Variants in NKAIN2 observed in about 807,000 individuals in gnomAD.
NKAIN2 encodes sodium/potassium-transporting ATPase subunit beta-1-interacting protein 2.
Under a neutral mutation model 32.6 loss-of-function variants are expected in NKAIN2, and 14 were observed. The ratio of observed to expected loss-of-function variants is 0.43; its 90% CI spans 0.28 to 0.67. The LOEUF is 0.67. Among genes scored for constraint, NKAIN2 ranks in the 30% least tolerant of loss-of-function variants. The pLI is 0.17. For synonymous variants in NKAIN2, 80 were observed against 87.2 expected (o/e 0.92, Z 0.46); for missense variants, 198 against 258.3 (o/e 0.77, Z 1.60).
At chr6:124,039,239 T>C (rs1781752039) in intron 1 of NKAIN2, among the ~76,000 whole-genome samples, 1 of 152,042 alleles carries the variant, frequency 6.6e-6, no homozygotes, top group Admixed American at 6.6e-5. Context: ...TCAATACATA[T>C]TGAAGGCCAG....
At chr6:124,596,167 A>T (rs1315442464) in intron 3 of NKAIN2, among the ~76,000 whole-genome samples, 1 of 152,202 alleles carries the variant, frequency 6.6e-6, no homozygotes, top group African/African-American at 2.4e-5. Flanking sequence ...CAGGACCTGC[A>T]GGGTCTGCCG....
intron 1 of NKAIN2, among the ~76,000 whole-genome samples, chr6:124,145,142 A>T (rs1414215267): frequency 1.1e-4 from 17 of 152,210 alleles, no homozygotes; most frequent in African/African-American, 3.9e-4. Flanking sequence ...TCTGGTGAGG[A>T]TGCACAGAAC....
intron 4 of NKAIN2, among the ~76,000 whole-genome samples, chr6:124,766,366 A>C (rs1296599449): frequency 1.3e-5 from 2 of 152,208 alleles, no homozygotes; most frequent in Non-Finnish European, 2.9e-5. Context: ...TACAAGGGTA[A>C]GAAGTCCTCA....
At chr6:123,874,885 C>CTACATACG (rs1562233339) in intron 1 of NKAIN2, among the ~76,000 whole-genome samples, 1 of 150,830 alleles carries the variant, frequency 6.6e-6, no homozygotes, top group East Asian at 2.0e-4. Context: ...CTCGCTATTC[C>CTACATACG]TACATACATA....
chr6:124,363,171 T>G (rs1799368963), intron 3 of NKAIN2, among the ~76,000 whole-genome samples: 1 of 152,146 alleles, frequency 6.6e-6, no homozygotes, highest in Non-Finnish European at 1.5e-5. Context: ...TCCTTATAAA[T>G]TGACCATGAG....
At chr6:124,600,143 A>T (rs575312620) in intron 3 of NKAIN2, among the ~76,000 whole-genome samples, 1 of 152,120 alleles carries the variant, frequency 6.6e-6, no homozygotes, top group East Asian at 1.9e-4. Flanking sequence ...ATGACTGCAC[A>T]CCATCACTAC....
chr6:123,962,347 T>C (rs1301615259), intron 1 of NKAIN2, among the ~76,000 whole-genome samples: 1 of 152,180 alleles, frequency 6.6e-6, no homozygotes, highest in African/African-American at 2.4e-5. Context: ...TAGTGAAGTT[T>C]GGAAGGGCAC....
chr6:124,185,253 A>G lies in NKAIN2; in HGVS notation c.55-97752A>G, dbSNP rs760145098. 6.0e-5 allele frequency among the ~76,000 whole-genome samples: 9 copies of G among 150,532 alleles called. No individual in the cohort carries two copies. The South Asian group carries it at 6.2e-4, about 10-fold the overall frequency. On this transcript the variant is annotated intron_variant, in intron 1 of 6. Coordinates refer to ENST00000368417, the MANE Select transcript of NKAIN2 (RefSeq NM_001040214.3). ...GTAGTTTTGTGCAAGTAACTTATTC[A>G]TTTCATTATAACTGTATTAAAAACA... is the stretch of plus-strand genomic sequence containing the variant.
At chr6:123,902,746 G>A (rs896561879) in intron 1 of NKAIN2, among the ~76,000 whole-genome samples, 2 of 152,078 alleles carry the variant, frequency 1.3e-5, no homozygotes, top group Non-Finnish European at 2.9e-5. Flanking sequence ...ATTCTTCAGT[G>A]GTATTCAGGA....
intron 1 of NKAIN2, among the ~76,000 whole-genome samples, chr6:123,987,564 T>G (rs1779197231): frequency 6.6e-6 from 1 of 152,180 alleles, no homozygotes; most frequent in South Asian, 2.1e-4. Context: ...GCTACATTAT[T>G]ATCTGGAACT....
chr6:124,438,825 T>G (rs1775570117), intron 3 of NKAIN2, among the ~76,000 whole-genome samples: 1 of 152,170 alleles, frequency 6.6e-6, no homozygotes, highest in South Asian at 2.1e-4. Flanking sequence ...TTTCCTTGTC[T>G]TCTGGGACAC....
At chr6:124,578,206 G>T (rs1264294671) in intron 3 of NKAIN2, among the ~76,000 whole-genome samples, 1 of 151,964 alleles carries the variant, frequency 6.6e-6, no homozygotes, top group Admixed American at 6.5e-5. Context: ...AGGAGACTTT[G>T]TCTTGCAGCT....
At chr6:123,971,214 T>C (rs1251473719) in intron 1 of NKAIN2, among the ~76,000 whole-genome samples, 1 of 152,120 alleles carries the variant, frequency 6.6e-6, no homozygotes, top group Non-Finnish European at 1.5e-5. Context: ...CAGGTGACAG[T>C]GGAACTAATG....
intron 1 of NKAIN2, among the ~76,000 whole-genome samples, chr6:124,046,585 A>G (rs1432700228): frequency 6.6e-6 from 1 of 152,044 alleles, no homozygotes; most frequent in Non-Finnish European, 1.5e-5. Flanking sequence ...CAGAATTTGA[A>G]TTAAGCAATA....
At chr6:124,569,442 G>T (rs1260362943) in intron 3 of NKAIN2, among the ~76,000 whole-genome samples, 1 of 151,850 alleles carries the variant, frequency 6.6e-6, no homozygotes, top group Non-Finnish European at 1.5e-5. Context: ...ATATGGTTTG[G>T]CTGTGTCCCC....
chr6:124,114,346 A>T (rs144308801), intron 1 of NKAIN2, among the ~76,000 whole-genome samples: 58 of 152,282 alleles, frequency 3.8e-4, no homozygotes, highest in African/African-American at 1.3e-3. Context: ...ATTAAAAAGT[A>T]GTATTGTCCA....
chr6:124,462,627 A>T (rs1776577077), intron 3 of NKAIN2, among the ~76,000 whole-genome samples: 1 of 152,016 alleles, frequency 6.6e-6, no homozygotes, highest in Non-Finnish European at 1.5e-5. Context: ...TTTCAAAAAC[A>T]AGCATTCTGA....
At chr6:124,513,610 T>C (rs1224076906) in intron 3 of NKAIN2, among the ~76,000 whole-genome samples, 1 of 152,150 alleles carries the variant, frequency 6.6e-6, no homozygotes, top group Admixed American at 6.5e-5. Flanking sequence ...TATCAATAGA[T>C]AGATTTGGGC....
intron 4 of NKAIN2, among the ~76,000 whole-genome samples, chr6:124,672,488 T>A (rs533626455): frequency 3.3e-5 from 5 of 152,116 alleles, no homozygotes; most frequent in Non-Finnish European, 7.4e-5. Flanking sequence ...TAACTCTGTG[T>A]GGTCAAAACT....
Sources: gnomAD v4.1 joint callset for allele counts (sites outside exome capture counted in the v4.1 genomes callset) on GRCh38, gnomAD v4.1.1 for gene constraint, MANE v1.5 for transcripts, NCBI Gene and HGNC (gene_info 2026-07-23, HGNC 2026-07-21) for gene names.